The following MTCL1 variants were observed in gnomAD, a reference collection of about 807,000 sequenced individuals.
MTCL1 encodes the protein microtubule crosslinking factor 1, also known as microtubule cross-linking factor 1.
Under a neutral mutation model 141.4 loss-of-function variants are expected in MTCL1, and 79 were observed. The ratio of observed to expected loss-of-function variants is 0.56; its 90% CI spans 0.47 to 0.67. The LOEUF (loss-of-function observed/expected upper bound fraction) is 0.67, where lower values mean the gene tolerates loss of function less well. MTCL1 is among the 30% of genes least tolerant of loss of function. The pLI is 0.00. For synonymous variants in MTCL1, 914 were observed against 875.8 expected, an observed-to-expected ratio of 1.04 and a Z score of -0.77; for missense variants, 2,177 against 2,113.9, an observed-to-expected ratio of 1.03 and a Z score of -0.59.
intron 4 of MTCL1, among the ~76,000 whole-genome samples, chr18:8,757,678 G>T (rs1275806287): frequency 6.6e-6 from 1 of 152,178 alleles, no homozygotes; most frequent in African/African-American, 2.4e-5. Flanking sequence ...GCCAGGGCAT[G>T]TTTGGAGACA....
exon 1 of MTCL1, chr18:8,706,460 C>T (rs1356212373): frequency 1.6e-6 from 2 of 1,257,880 alleles, no homozygotes; most frequent in African/African-American, 1.6e-5. Flanking sequence ...CCCGAGCCCC[C>T]AGCGCTCCTC....
At chr18:8,815,450 T>C (rs2076621646) in intron 12 of MTCL1, among the ~76,000 whole-genome samples, 1 of 151,842 alleles carries the variant, frequency 6.6e-6, no homozygotes, top group African/African-American at 2.4e-5. Flanking sequence ...AAGGGGAACA[T>C]CACACTCTGG....
chr18:8,749,104 A>G (rs1048112463), intron 4 of MTCL1, among the ~76,000 whole-genome samples: 1 of 152,250 alleles, frequency 6.6e-6, no homozygotes, highest in African/African-American at 2.4e-5. Flanking sequence ...TGGCAGCATT[A>G]AAAGGTGGAG....
At chr18:8,798,327 C>T in intron 10 of MTCL1, 36 bp downstream of exon 9, 1 of 1,443,958 alleles carries the variant, frequency 6.9e-7, no homozygotes, top group Non-Finnish European at 9.1e-7. Flanking sequence ...GCCCTGCCCA[C>T]ACCAGGGAGA....
At chr18:8,777,095 G>A (rs937055087) in intron 4 of MTCL1, among the ~76,000 whole-genome samples, 2 of 152,144 alleles carry the variant, frequency 1.3e-5, no homozygotes, top group African/African-American at 4.8e-5. Context: ...AATTAGCCAG[G>A]CGTGGTGGCA....
At chr18:8,715,088 A>G (rs569009814), upstream of MTCL1, among the ~76,000 whole-genome samples, 69 of 152,204 alleles carry the variant, frequency 4.5e-4, no homozygotes, top group East Asian at 2.3e-3. Context: ...GAGCCACCGC[A>G]CCCGGCCCCT....
chr18:8,828,874 G>A lies in MTCL1; in HGVS notation c.4723-34G>A. ...TTAAAAAACACTTTCCAACCTTCTT[G>A]CTTTTCTTTTCTTTCTCTGTCTGTT... is the stretch of plus-strand genomic sequence containing the variant. On this transcript the variant is annotated intron_variant, in intron 15 of 16. Transcript: ENST00000359865. The surrounding 1 kb of genome is among the most constrained non-coding windows in gnomAD (Gnocchi z 5.2). The A allele has an allele frequency of 6.2e-7, 1 of 1,614,038 alleles. No individual in the cohort carries two copies. Among genetic ancestry groups the A allele is most frequent in the Non-Finnish European group, 8.5e-7 (1 of 1,180,020 alleles).
chr18:8,718,662 T>C lies in MTCL1; in HGVS notation c.198+14T>C, dbSNP rs756156944. 7 of 1,611,274 alleles carry C rather than the reference T, an allele frequency of 4.3e-6. No individual in the cohort carries two copies. The highest frequency in any genetic ancestry group is 5.9e-6 in the Non-Finnish European group (7 of 1,179,088). ...CAGGACTTGAAGGTGAGTGAGGGGG[T>C]GGTGCGTGCACCTCGCAAGGCTGCT... On this transcript the variant is annotated intron_variant, in intron 3 of 16. Coordinates refer to ENST00000359865, the Ensembl canonical transcript of MTCL1.
intron 10 of MTCL1, among the ~76,000 whole-genome samples, chr18:8,800,122 C>A (rs115936047): frequency 6.6e-6 from 1 of 152,198 alleles, no homozygotes; most frequent in Admixed American, 6.5e-5. Context: ...TCTACTGTAA[C>A]GACAGCTGGT....
rs1000952986 is a variant in MTCL1, at chr18:8,764,319, A to C, written c.358-13514A>C. Reference sequence around the variant, plus strand: ...TTTATATAAGGAAGGTACTATTCTCACTTTTTTTTTTTTTTGAGACAGAGT... The same window carrying C: ...TTTATATAAGGAAGGTACTATTCTCCCTTTTTTTTTTTTTTGAGACAGAGT... On this transcript the variant is annotated intron_variant, in intron 4 of 16. Coordinates refer to ENST00000359865, the Ensembl canonical transcript of MTCL1. Among the ~76,000 whole-genome samples, 172 of 148,940 alleles carry C rather than the reference A, an allele frequency of 1.2e-3. 1 individual carries two copies. Among genetic ancestry groups the C allele is most frequent in the Non-Finnish European group, 1.5e-3 (101 of 67,358 alleles).
At chr18:8,728,150 G>C (rs1048372073) in intron 4 of MTCL1, among the ~76,000 whole-genome samples, 5 of 151,944 alleles carry the variant, frequency 3.3e-5, no homozygotes, top group African/African-American at 1.2e-4. Context: ...TTTTTAAAAT[G>C]ACCTTTTAAA....
rs757489754 is a variant in MTCL1 at position 8,825,173 on chromosome 18, G to A, written c.3663G>A (p.Gly1221=). The change falls in exon 15 of 17, where the codon GGG becomes GGA. Residue 1221 remains glycine (G), a synonymous_variant. Coordinates refer to ENST00000359865, the Ensembl canonical transcript of MTCL1. ...CCTTTCCCACAAGCAGAGCCAGAGG[G>A]AGCCCGGGAGACACCAAGGGAGGCC... 15 of 1,577,144 alleles carry A rather than the reference G, an allele frequency of 9.5e-6. No individual in the cohort carries two copies. The South Asian group carries it at 1.8e-4, about 19-fold the overall frequency.
intron 4 of MTCL1, among the ~76,000 whole-genome samples, chr18:8,761,590 G>A (rs912528442): frequency 6.6e-6 from 1 of 152,030 alleles, no homozygotes; most frequent in Non-Finnish European, 1.5e-5. Flanking sequence ...GTCCATTTTT[G>A]TGCTGCTGAT....
In MTCL1 at chr18:8,754,888, A is replaced by G. The variant is rs565384901; in HGVS notation, c.358-22945A>G. ...AGAACATAGCTTGCAGGTGGAGTAC[A>G]CCTGAGAGTCTCCAGCTCTGCCCTG... is the stretch of plus-strand genomic sequence containing the variant. On this transcript the variant is annotated intron_variant, in intron 4 of 16. Transcript: ENST00000359865. Among the ~76,000 whole-genome samples, 3 of 152,252 alleles carry G rather than the reference A, an allele frequency of 2.0e-5. No individual in the cohort carries two copies. The South Asian group carries it at 6.2e-4, about 32-fold the overall frequency.
chr18:8,786,444 C>T (rs2096556198), intron 7 of MTCL1: 1 of 474,682 alleles, frequency 2.1e-6, no homozygotes, highest in Admixed American at 2.4e-5. Context: ...CCAGCACGGG[C>T]TTCCCTGCTC....
Position 8,756,974 on chromosome 18 carries a change from G to A in MTCL1, c.358-20859G>A, listed in dbSNP as rs2148982614. Among the ~76,000 whole-genome samples, 3 of 152,318 alleles carry A rather than the reference G, an allele frequency of 2.0e-5. No homozygotes were observed. The Middle Eastern group carries it at 0.01, about 518-fold the overall frequency. On this transcript the variant is annotated intron_variant, in intron 4 of 16. Coordinates refer to ENST00000359865, the Ensembl canonical transcript of MTCL1. Reference sequence around the variant, plus strand: ...AGGGCACTGCAGACACCCTAGTGATGAGTGAGGGGAGCAGCATTAGCACCG... The same window carrying A: ...AGGGCACTGCAGACACCCTAGTGATAAGTGAGGGGAGCAGCATTAGCACCG...
chr18:8,771,477 T>C lies in MTCL1; in HGVS notation c.358-6356T>C, dbSNP rs2096484998. ...TATCAGTCTGCATCTACATCCTCGT[T>C]CCCATACTGACTTATAATTTACAGC... On this transcript the variant is annotated intron_variant, in intron 4 of 16. Coordinates refer to ENST00000359865, the Ensembl canonical transcript of MTCL1. Among the ~76,000 whole-genome samples, 5 of 152,202 alleles carry C rather than the reference T, an allele frequency of 3.3e-5. No homozygotes were observed. In the South Asian group the frequency reaches 1.0e-3, roughly 32 times the overall value.
At chr18:8,751,691 T>C (rs1883367259) in intron 4 of MTCL1, among the ~76,000 whole-genome samples, 1 of 152,126 alleles carries the variant, frequency 6.6e-6, no homozygotes, top group Admixed American at 6.5e-5. Context: ...GTGAGGCAGA[T>C]GTGGGGGGTA....
intron 13 of MTCL1, among the ~76,000 whole-genome samples, chr18:8,821,043 C>T (rs2076828260): frequency 1.3e-5 from 2 of 152,224 alleles, no homozygotes; most frequent in African/African-American, 4.8e-5. Context: ...TAACGTTACT[C>T]TATCACCTTC....
Sources: gnomAD v4.1 joint callset for allele counts (sites outside exome capture counted in the v4.1 genomes callset) on GRCh38, gnomAD v4.1.1 for gene constraint, Gnocchi (gnomAD v3.1) non-coding constraint, MANE v1.5 for transcripts, NCBI Gene and HGNC (gene_info 2026-07-23, HGNC 2026-07-21) for gene names.